The following CD8B2 variants were observed in gnomAD, a reference collection of about 807,000 sequenced individuals.
CD8B2 encodes T-cell surface glycoprotein CD8 beta-2 chain.
A neutral mutation model predicts 23.7 loss-of-function variants in CD8B2; 11 were observed. The ratio of observed to expected loss-of-function variants is 0.46; its 90% CI spans 0.29 to 0.77. The LOEUF (loss-of-function observed/expected upper bound fraction) is 0.77. Among genes scored for constraint, CD8B2 ranks in the 30% least tolerant of loss-of-function variants. The pLI is 0.09. For missense variants in CD8B2, 197 were observed against 270.5 expected, an observed-to-expected ratio of 0.73 and a Z score of 1.91; for synonymous variants, 90 against 109.3, an observed-to-expected ratio of 0.82 and a Z score of 1.10.
intron 5 of CD8B2, among the ~76,000 whole-genome samples, chr2:106,536,482 C>T (rs1360431008): frequency 6.6e-6 from 1 of 152,202 alleles, no homozygotes; most frequent in East Asian, 1.9e-4. Flanking sequence ...TGGGCAGGGA[C>T]ACAGACCCAA....
At chr2:106,506,067 A>T (rs770023273) in intron 5 of CD8B2, among the ~76,000 whole-genome samples, 1 of 152,092 alleles carries the variant, frequency 6.6e-6, no homozygotes, top group African/African-American at 2.4e-5. Context: ...CCCCGGAGGC[A>T]GAGGTTGCAA....
At chr2:106,487,921 G>A (rs1397517265) in intron 1 of CD8B2, among the ~76,000 whole-genome samples, 6 of 152,032 alleles carry the variant, frequency 3.9e-5, no homozygotes, top group Non-Finnish European at 7.4e-5. Flanking sequence ...AACATGGGGC[G>A]TTCTCAGTTC....
chr2:106,531,125 C>A (rs1374447618), intron 5 of CD8B2, among the ~76,000 whole-genome samples: 4 of 152,146 alleles, frequency 2.6e-5, no homozygotes, highest in Non-Finnish European at 5.9e-5. Context: ...TCCAAAAACC[C>A]TCTCTTGAGG....
chr2:106,539,201 GC>G (rs951572255), intron 5 of CD8B2, among the ~76,000 whole-genome samples: 9 of 152,154 alleles, frequency 5.9e-5, no homozygotes, highest in African/African-American at 1.4e-4. Context: ...AGCACTCGGG[GC>G]CCATGTGTGG....
At chr2:106,524,691 G>A (rs1679883538) in intron 5 of CD8B2, among the ~76,000 whole-genome samples, 1 of 152,200 alleles carries the variant, frequency 6.6e-6, no homozygotes, top group Non-Finnish European at 1.5e-5. Flanking sequence ...TCTCTTAGTG[G>A]TCTCAAGAGC....
At chr2:106,496,412 G>A in intron 3 of CD8B2, 150 bp downstream of exon 3, 3 of 1,268,802 alleles carry the variant, frequency 2.4e-6, no homozygotes, top group Non-Finnish European at 3.3e-6. Flanking sequence ...AGGATGCTGA[G>A]TGTGATAGCA....
rs551866487 is a variant in CD8B2 at position 106,505,994 on chromosome 2, G to C, written c.621-934G>C. Among the ~76,000 whole-genome samples the C allele has an allele frequency of 2.6e-5, 4 of 152,254 alleles. No homozygotes were observed. In the South Asian group the frequency reaches 6.2e-4, roughly 24 times the overall value. On this transcript the variant is annotated intron_variant, in intron 5 of 5. Coordinates refer to ENST00000643224, the MANE Select transcript of CD8B2 (RefSeq NM_001349727.2). ...TAAAAATACAAAAAATTAACTGGGCGTGGTGGCGGGCGCCTATGTAATCCC... is the reference window on the plus strand; with the variant it reads ...TAAAAATACAAAAAATTAACTGGGCCTGGTGGCGGGCGCCTATGTAATCCC...
At position 106,487,388 on chromosome 2, in the gene CD8B2, C is replaced by T. The variant is rs549321829; in HGVS notation, c.-39C>T. ...CACCCACCCCAGCCGCGACTGTCTC[C>T]GCCGAGCCCCCGGGGCCAGGTGTCC... On this transcript the variant is annotated 5_prime_UTR_variant, in exon 1 of 6. Transcript: ENST00000643224. The T allele has an allele frequency of 3.0e-4, 354 of 1,197,782 alleles. 2 individuals are homozygous for T. In the African/African-American group the frequency reaches 5.2e-3, roughly 18 times the overall value. The allele number at this position is 1,197,782 out of a possible 1,614,324, so 74.2% of individuals were successfully genotyped here.
intron 5 of CD8B2, among the ~76,000 whole-genome samples, chr2:106,521,153 C>T (rs971310493): frequency 6.6e-6 from 1 of 152,008 alleles, no homozygotes; most frequent in South Asian, 2.1e-4. Context: ...GTCTGATTTA[C>T]ATAGGGCCCA....
chr2:106,510,554 C>T lies in CD8B2; in HGVS notation c.*3614C>T, dbSNP rs1241423769. ...GAGCAGCCTAGGCAACATAGCAAGACCTCGACTCTACAAAAAATTTTTAAA... is the reference window on the plus strand; with the variant it reads ...GAGCAGCCTAGGCAACATAGCAAGATCTCGACTCTACAAAAAATTTTTAAA... On this transcript the variant is annotated 3_prime_UTR_variant, in exon 6 of 6. Transcript: ENST00000643224. 6.6e-6 allele frequency: 1 copy of T among 152,014 alleles called. No homozygotes were observed. Among genetic ancestry groups the T allele is most frequent in the South Asian group, 2.1e-4 (1 of 4,816 alleles). 9.4% of individuals were successfully genotyped at this position (152,014 alleles called of 1,614,324 possible).
intron 5 of CD8B2, among the ~76,000 whole-genome samples, chr2:106,531,357 C>T (rs1679987317): frequency 6.6e-6 from 1 of 152,192 alleles, no homozygotes. Context: ...TTTCCTTTTC[C>T]TTTGGGCAAT....
chr2:106,489,898 G>A (rs1679157229), intron 1 of CD8B2, among the ~76,000 whole-genome samples: 2 of 152,176 alleles, frequency 1.3e-5, no homozygotes, highest in Non-Finnish European at 2.9e-5. Context: ...GGCACGGCCA[G>A]AGGCTGGGTT....
chr2:106,489,845 T>C (rs1679156518), intron 1 of CD8B2, among the ~76,000 whole-genome samples: 1 of 152,124 alleles, frequency 6.6e-6, no homozygotes, highest in Non-Finnish European at 1.5e-5. Context: ...CCTCCTTTCA[T>C]AAGAAGACAG....
intron 5 of CD8B2, among the ~76,000 whole-genome samples, chr2:106,541,332 C>T (rs1680170294): frequency 6.6e-6 from 1 of 152,178 alleles, no homozygotes; most frequent in Non-Finnish European, 1.5e-5. Context: ...GGTCAAACGT[C>T]CTCTTCCCCC....
At chr2:106,511,589 C>G (rs1302061533), downstream of CD8B2, among the ~76,000 whole-genome samples, 1 of 152,036 alleles carries the variant, frequency 6.6e-6, no homozygotes, top group Non-Finnish European at 1.5e-5. Context: ...GCTTGTGTCT[C>G]TACCTGTAGG....
intron 1 of CD8B2, among the ~76,000 whole-genome samples, chr2:106,490,013 G>T (rs1225768117): frequency 1.3e-5 from 2 of 151,988 alleles, no homozygotes; most frequent in Non-Finnish European, 2.9e-5. Context: ...CTGCTTCTGT[G>T]GTGTCTGTCC....
At chr2:106,534,815 G>A (rs976787917) in intron 5 of CD8B2, among the ~76,000 whole-genome samples, 2 of 48,310 alleles carry the variant, frequency 4.1e-5, no homozygotes. Context: ...AAACATTTTT[G>A]AGACCTAATG....
intron 3 of CD8B2, among the ~76,000 whole-genome samples, chr2:106,500,560 A>ATAAATAATTAAT (rs370350218): frequency 0.079 from 9,166 of 116,512 alleles, 81 homozygotes; most frequent in Non-Finnish European, 0.11. Flanking sequence ...AAATAAATAA[A>ATAAATAATTAAT]TAATTAAAAA....
chr2:106,522,508 A>T (rs1679843041), intron 5 of CD8B2, among the ~76,000 whole-genome samples: 1 of 152,164 alleles, frequency 6.6e-6, no homozygotes, highest in Admixed American at 6.5e-5. Flanking sequence ...CTGGAGTGAA[A>T]ATGCACCATT....
Sources: gnomAD v4.1 joint callset for allele counts (sites outside exome capture counted in the v4.1 genomes callset) on GRCh38, gnomAD v4.1.1 for gene constraint, MANE v1.5 for transcripts, NCBI Gene and HGNC (gene_info 2026-07-23, HGNC 2026-07-21) for gene names.